The following LUZP2 variants were observed in gnomAD, a reference collection of about 807,000 sequenced individuals.
LUZP2 encodes leucine zipper protein 2.
A neutral mutation model predicts 51.6 loss-of-function variants in LUZP2; 52 were observed. That is an observed-to-expected ratio of 1.01 (90% CI 0.81 to 1.27). The LOEUF is 1.27. Ranked by LOEUF, LUZP2 falls within the 50% of genes most tolerant of loss-of-function variation. The pLI is 0.00. For missense variants in LUZP2, 436 were observed against 395.4 expected, an observed-to-expected ratio of 1.10 and a Z score of -0.87; for synonymous variants, 154 against 137.3, an observed-to-expected ratio of 1.12 and a Z score of -0.85.
chr11:24,733,068 G>A (rs190477547), intron 3 of LUZP2, among the ~76,000 whole-genome samples: 2 of 151,830 alleles, frequency 1.3e-5, no homozygotes, highest in South Asian at 2.1e-4. Context: ...TAGATTCTAA[G>A]TCCCTTCTCA....
At chr11:24,830,481 G>A (rs1375966503) in intron 5 of LUZP2, among the ~76,000 whole-genome samples, 1 of 149,382 alleles carries the variant, frequency 6.7e-6, no homozygotes. Context: ...CCAAAACGGG[G>A]CACCTTGAGT....
rs1184772523 is a variant in LUZP2, at chr11:24,774,381, T to TATACAC, written c.396+11074_396+11075insTACACA. On this transcript the variant is annotated intron_variant, in intron 5 of 11. Transcript: ENST00000336930. ...CTCTCTCTATATATATATATATATA[T>TATACAC]ACATACACACACACATATTTATAAA... Among the ~76,000 whole-genome samples, 171 of 93,968 alleles carry TATACAC rather than the reference T, an allele frequency of 1.8e-3. 8 individuals are homozygous for TATACAC. The highest frequency in any genetic ancestry group is 5.2e-3 in the African/African-American group (113 of 21,844). The allele number at this position is 93,968 out of a possible 152,430, so 61.6% of individuals were successfully genotyped here. A position where few individuals can be genotyped will look rare whatever the true frequency, so the allele number is the denominator to read the frequency against.
intron 1 of LUZP2, among the ~76,000 whole-genome samples, chr11:24,534,720 A>T (rs1302245927): frequency 6.6e-6 from 1 of 151,484 alleles, no homozygotes; most frequent in African/African-American, 2.4e-5. Context: ...AATATTTCTG[A>T]AGAGGAAGAG....
intron 4 of LUZP2, among the ~76,000 whole-genome samples, chr11:24,750,214 C>A (rs572441630): frequency 3.3e-5 from 5 of 152,258 alleles, no homozygotes; most frequent in African/African-American, 1.2e-4. Flanking sequence ...TTACTTAATA[C>A]TGGGGCATTT....
At chr11:24,642,392 T>C (rs554281997) in intron 1 of LUZP2, among the ~76,000 whole-genome samples, 2 of 151,900 alleles carry the variant, frequency 1.3e-5, no homozygotes, top group Admixed American at 1.3e-4. Context: ...ATCATGTGTA[T>C]ACCATTGTAG....
chr11:24,589,674 G>C (rs10834400), intron 1 of LUZP2, among the ~76,000 whole-genome samples: 76,350 of 151,940 alleles, frequency 0.5, 19,436 homozygotes, highest in Middle Eastern at 0.59. Flanking sequence ...TTCAAACCAT[G>C]TGCAGTAGAT....
At chr11:24,610,984 A>G (rs915246375) in intron 1 of LUZP2, among the ~76,000 whole-genome samples, 1 of 152,086 alleles carries the variant, frequency 6.6e-6, no homozygotes, top group African/African-American at 2.4e-5. Context: ...ATATGATTAA[A>G]CCAGAGTTAT....
chr11:24,552,123 A>T, intron 1 of LUZP2, among the ~76,000 whole-genome samples: 1 of 152,072 alleles, frequency 6.6e-6, no homozygotes, highest in East Asian at 1.9e-4. Flanking sequence ...ATATAGGGAC[A>T]TGAAGAAAGA....
intron 5 of LUZP2, among the ~76,000 whole-genome samples, chr11:24,782,282 T>A (rs1289646995): frequency 6.6e-6 from 1 of 151,992 alleles, no homozygotes; most frequent in Non-Finnish European, 1.5e-5. Context: ...ATGGTCAGAG[T>A]GCAGCTGTGA....
At chr11:24,704,556 T>C (rs1857515560) in intron 1 of LUZP2, among the ~76,000 whole-genome samples, 1 of 151,822 alleles carries the variant, frequency 6.6e-6, no homozygotes, top group Non-Finnish European at 1.5e-5. Context: ...GTCAAGAATA[T>C]GTCAGTGAGT....
chr11:25,003,094 C>A (rs970461366), intron 9 of LUZP2, among the ~76,000 whole-genome samples: 1 of 152,168 alleles, frequency 6.6e-6, no homozygotes, highest in African/African-American at 2.4e-5. Context: ...AAAGCTGGGC[C>A]TTCAACCTAG....
intron 4 of LUZP2, among the ~76,000 whole-genome samples, chr11:24,738,645 G>A (rs911490811): frequency 1.3e-5 from 2 of 152,024 alleles, no homozygotes; most frequent in Non-Finnish European, 2.9e-5. Flanking sequence ...CTAAGTGATA[G>A]TTAAGTCGCA....
At chr11:24,913,950 T>C (rs1030515879) in intron 6 of LUZP2, among the ~76,000 whole-genome samples, 1 of 152,170 alleles carries the variant, frequency 6.6e-6, no homozygotes. Flanking sequence ...TTCCTATTAG[T>C]GATGGCCCTC....
chr11:25,023,534 T>G (rs1179547246), intron 9 of LUZP2, among the ~76,000 whole-genome samples: 5 of 152,090 alleles, frequency 3.3e-5, no homozygotes, highest in Non-Finnish European at 7.3e-5. Flanking sequence ...CCTCTCTCTT[T>G]TCTTCTTTAT....
chr11:24,664,275 G>A (rs2133988383), intron 1 of LUZP2, among the ~76,000 whole-genome samples: 1 of 152,246 alleles, frequency 6.6e-6, no homozygotes, highest in South Asian at 2.1e-4. Flanking sequence ...CCCTGCCCTA[G>A]AGATCTTTAG....
At chr11:25,009,209 C>CTCA (rs779658491) in intron 9 of LUZP2, among the ~76,000 whole-genome samples, 2 of 152,238 alleles carry the variant, frequency 1.3e-5, no homozygotes, top group Non-Finnish European at 2.9e-5. Context: ...ATCCATATAG[C>CTCA]TCATCATAAT....
At chr11:24,537,078 T>C (rs571252064) in intron 1 of LUZP2, among the ~76,000 whole-genome samples, 192 of 151,992 alleles carry the variant, frequency 1.3e-3, no homozygotes, top group African/African-American at 4.5e-3. Flanking sequence ...GTGTGGTTTG[T>C]GGCAACCCAA....
Position 24,958,967 on chromosome 11 carries a change from A to G in LUZP2, c.523-17624A>G, listed in dbSNP as rs532166593. ...GGAAGGGATCCAGTTTCAGCTTTCT[A>G]CATATGGCTAGCCAGTTTTCCCAGC... is the stretch of plus-strand genomic sequence containing the variant. On this transcript the variant is annotated intron_variant, in intron 7 of 11. Coordinates refer to ENST00000336930, the MANE Select transcript of LUZP2 (RefSeq NM_001009909.4). Among the ~76,000 whole-genome samples the G allele has an allele frequency of 3.3e-5, 5 of 152,286 alleles. No homozygotes were observed. The South Asian group carries it at 8.3e-4, about 25-fold the overall frequency.
At chr11:25,062,412 C>T (rs1858864855) in intron 10 of LUZP2, among the ~76,000 whole-genome samples, 1 of 144,418 alleles carries the variant, frequency 6.9e-6, no homozygotes, top group South Asian at 2.2e-4. Context: ...TGTTGAAACT[C>T]TGCCTCTATA....
Sources: allele counts gnomAD v4.1 joint callset (sites outside exome capture counted in the v4.1 genomes callset), GRCh38; gene constraint gnomAD v4.1.1; transcripts MANE v1.5; gene names NCBI Gene and HGNC (gene_info 2026-07-23, HGNC 2026-07-21).